The following RPL27A variants were observed in gnomAD, a reference collection of about 807,000 sequenced individuals.
RPL27A encodes large ribosomal subunit protein uL15.
For synonymous variants in RPL27A, 69 were observed against 68.3 expected (o/e 1.01, Z -0.05); for missense variants, 118 against 189.4 (o/e 0.62, Z 2.21).
Position 8,687,503 on chromosome 11 carries a change from A to C in RPL27A, c.*1697A>C, listed in dbSNP as rs1210964854. On this transcript the variant is annotated 3_prime_UTR_variant, in exon 5 of 5. Coordinates refer to ENST00000314138, the MANE Select transcript of RPL27A (RefSeq NM_000990.5). ...GTGGTCAGTAGTTCATGATGAATTA[A>C]AAGACTCAATATTTGGTCTTCACCC... 6.6e-6 allele frequency: 1 copy of C among 151,992 alleles called. No individual in the cohort carries two copies. The highest frequency in any genetic ancestry group is 1.5e-5 in the Non-Finnish European group (1 of 68,012). The allele number at this position is 151,992 out of a possible 1,614,324, so 9.4% of individuals were successfully genotyped here.
In RPL27A at chr11:8,689,600, C is replaced by T. The variant is rs1463039666; in HGVS notation, c.*3794C>T. ...GTTTTCATGGCCTTTTAAATTACAC[C>T]CCCACCTCCACAGGCAAATAAATTT... On this transcript the variant is annotated 3_prime_UTR_variant, in exon 5 of 5. Transcript: ENST00000314138. 2 of 151,816 alleles carry T rather than the reference C, an allele frequency of 1.3e-5. No homozygotes were observed. The highest frequency in any genetic ancestry group is 1.3e-4 in the Admixed American group (2 of 15,238). 9.4% of individuals were successfully genotyped at this position (151,816 alleles called of 1,614,324 possible). A position where few individuals can be genotyped will look rare whatever the true frequency, so the allele number is the denominator to read the frequency against.
In RPL27A at chr11:8,686,014, T is replaced by C; in HGVS notation, c.*208T>C. The C allele has an allele frequency of 1.8e-6, 1 of 553,414 alleles. No homozygotes were observed. Among genetic ancestry groups the C allele is most frequent in the East Asian group, 3.0e-5 (1 of 32,924 alleles). 34.3% of individuals were successfully genotyped at this position (553,414 alleles called of 1,614,324 possible). On this transcript the variant is annotated 3_prime_UTR_variant, in exon 5 of 5. Coordinates refer to ENST00000314138, the MANE Select transcript of RPL27A (RefSeq NM_000990.5). ...CAGACGTTGGCCAGTTAAACATTTCTGTTTATAAAGTCAGAATAATACCTG... is the reference window on the plus strand; with the variant it reads ...CAGACGTTGGCCAGTTAAACATTTCCGTTTATAAAGTCAGAATAATACCTG...
At chr11:8,683,080 C>T (rs574826919) in intron 1 of RPL27A, 122 bp from the exon 2 acceptor site, 11 of 1,107,054 alleles carry the variant, frequency 9.9e-6, no homozygotes, top group Admixed American at 3.8e-5. Flanking sequence ...GTACCCTCAG[C>T]TTTCCCAAAC....
intron 2 of RPL27A, 159 bp downstream of exon 2, chr11:8,683,424 C>A (rs1025775873): frequency 3.1e-6 from 2 of 638,742 alleles, no homozygotes; most frequent in East Asian, 2.7e-5. Context: ...TATTCCAGTT[C>A]TAAGGAATTT....
intron 3 of RPL27A, 67 bp downstream of exon 3, chr11:8,684,148 A>G: frequency 7.4e-7 from 1 of 1,351,416 alleles, no homozygotes; most frequent in Non-Finnish European, 1.1e-6. Context: ...GGGCTGGCTT[A>G]AACAAAAAGT....
Position 8,689,434 on chromosome 11 carries a change from T to G in RPL27A, c.*3628T>G, listed in dbSNP as rs1403853095. 6.6e-6 allele frequency: 1 copy of G among 152,182 alleles called. No individual in the cohort carries two copies. Among genetic ancestry groups the G allele is most frequent in the Non-Finnish European group, 1.5e-5 (1 of 68,030 alleles). 9.4% of individuals were successfully genotyped at this position (152,182 alleles called of 1,614,324 possible). ...AGGTTAGGGAAATGAGCACGAAGTA[T>G]GTTTTGGTGCAGTTTTTTGTTCAAC... On this transcript the variant is annotated 3_prime_UTR_variant, in exon 5 of 5. Transcript: ENST00000314138.
Position 8,683,921 on chromosome 11 carries a change from A to G in RPL27A, c.68-85A>G, listed in dbSNP as rs184552358. On this transcript the variant is annotated intron_variant, in intron 2 of 4. Coordinates refer to ENST00000314138, the MANE Select transcript of RPL27A (RefSeq NM_000990.5). Reference sequence around the variant, plus strand: ...GGTCTCGAACTCCTGACCTCAGGTGATCTACCCCCCCTCGTCCTCCTAAAA... The same window carrying G: ...GGTCTCGAACTCCTGACCTCAGGTGGTCTACCCCCCCTCGTCCTCCTAAAA... 4.6e-5 allele frequency: 49 copies of G among 1,061,140 alleles called. 1 individual carries two copies. In the East Asian group the frequency reaches 1.2e-3, roughly 25 times the overall value. 65.7% of individuals were successfully genotyped at this position (1,061,140 alleles called of 1,614,324 possible). A position where few individuals can be genotyped will look rare whatever the true frequency, so the allele number is the denominator to read the frequency against.
intron 4 of RPL27A, 182 bp downstream of exon 4, chr11:8,685,074 T>C (rs1019972776): frequency 1.5e-6 from 1 of 653,078 alleles, no homozygotes. Context: ...CTGCCCAGGT[T>C]GTATCAGGTT....
At chr11:8,684,645 TG>T (rs1315267803) in intron 3 of RPL27A, 72 bp from the exon 4 acceptor site, 1 of 1,269,312 alleles carries the variant, frequency 7.9e-7, no homozygotes, top group Non-Finnish European at 1.1e-6. Context: ...TAATAGGGGG[TG>T]GTAACTATAA....
intron 4 of RPL27A, 193 bp from the exon 5 acceptor site, chr11:8,685,485 T>C (rs778051183): frequency 8.1e-6 from 6 of 737,562 alleles, no homozygotes; most frequent in Admixed American, 5.2e-5. Flanking sequence ...CCTGGTGTGC[T>C]AGAGTACTCG....
intron 3 of RPL27A, 42 bp from the exon 4 acceptor site, chr11:8,684,676 T>C (rs1309463398): frequency 5.8e-6 from 9 of 1,559,240 alleles, no homozygotes; most frequent in Non-Finnish European, 8.0e-6. Flanking sequence ...ACATAGCATC[T>C]TAATTGGAGT....
chr11:8,684,951 A>T (rs758148223), intron 4 of RPL27A, 59 bp downstream of exon 4: 259 of 1,499,410 alleles, frequency 1.7e-4, no homozygotes, highest in Non-Finnish European at 2.3e-4. Context: ...ACTCTGGCTT[A>T]ATCTAATCCA....
intron 4 of RPL27A, 147 bp downstream of exon 4, chr11:8,685,039 C>T (rs1300125572): frequency 1.2e-6 from 1 of 808,462 alleles, no homozygotes; most frequent in Admixed American, 2.2e-5. Flanking sequence ...AGGTAGTTCC[C>T]TATCCGTAGC....
At position 8,684,746 on chromosome 11, in the gene RPL27A, A is replaced by G. The variant is rs754721161; in HGVS notation, c.172A>G (p.Met58Val). ...YHPGYFGKVG[M>V]KHYHLKRNQS... Reference sequence around the variant, plus strand: ...CCCAGGCTACTTTGGGAAAGTTGGTATGAAGCATTACCACTTAAAGAGGAA... The same window carrying G: ...CCCAGGCTACTTTGGGAAAGTTGGTGTGAAGCATTACCACTTAAAGAGGAA... Residue 58 changes from methionine to valine, a missense_variant, in exon 4 of 5, where the codon ATG becomes GTG. Coordinates refer to ENST00000314138, the MANE Select transcript of RPL27A (RefSeq NM_000990.5). The G allele has an allele frequency of 1.5e-5, 25 of 1,614,126 alleles. No individual in the cohort carries two copies. Among genetic ancestry groups the G allele is most frequent in the Non-Finnish European group, 2.1e-5 (25 of 1,179,942 alleles).
At chr11:8,683,148 A>G (rs1592234345) in intron 1 of RPL27A, 54 bp from the exon 2 acceptor site, 1 of 1,564,070 alleles carries the variant, frequency 6.4e-7, no homozygotes, top group Non-Finnish European at 8.8e-7. Flanking sequence ...GCTGGCGGGC[A>G]TCGCCCCCTG....
intron 1 of RPL27A, 54 bp downstream of exon 1, chr11:8,682,870 G>A (rs899360006): frequency 6.3e-7 from 1 of 1,577,952 alleles, no homozygotes; most frequent in East Asian, 2.3e-5. Context: ...CCCCTAAGCT[G>A]TATTCCCATT....
intron 4 of RPL27A, 197 bp from the exon 5 acceptor site, chr11:8,685,481 G>T (rs2039577760): frequency 2.7e-6 from 2 of 732,402 alleles, no homozygotes; most frequent in South Asian, 2.7e-5. Flanking sequence ...TTGTCCTGGT[G>T]TGCTAGAGTA....
chr11:8,688,411 AGTTC>A lies in RPL27A; in HGVS notation c.*2606_*2609del, dbSNP rs1178697598. 1 of 121,816 alleles carries A rather than the reference AGTTC, an allele frequency of 8.2e-6. No individual in the cohort carries two copies. The highest frequency in any genetic ancestry group is 8.3e-5 in the Admixed American group (1 of 12,040). The allele number at this position is 121,816 out of a possible 1,614,324, so 7.5% of individuals were successfully genotyped here. On this transcript the variant is annotated 3_prime_UTR_variant, in exon 5 of 5. Coordinates refer to ENST00000314138, the MANE Select transcript of RPL27A (RefSeq NM_000990.5). ...CTCACCAGAAGCTACAGCTACTAACAGTTCTAAAAACTGTTTCATGTGATGAGGA... is the reference window on the plus strand; with the variant it reads ...CTCACCAGAAGCTACAGCTACTAACATAAAAACTGTTTCATGTGATGAGGA...
rs755772327 is a variant in RPL27A at position 8,684,928 on chromosome 11, C to T, written c.318+36C>T. On this transcript the variant is annotated intron_variant, in intron 4 of 4. Coordinates refer to ENST00000314138, the MANE Select transcript of RPL27A (RefSeq NM_000990.5). ...TGGATGTTTTTCTGTACTTCCATACCTTCCCTTACAAAACTCTGGCTTAAT... is the reference window on the plus strand; with the variant it reads ...TGGATGTTTTTCTGTACTTCCATACTTTCCCTTACAAAACTCTGGCTTAAT... The T allele has an allele frequency of 2.5e-6, 4 of 1,598,180 alleles. No individual in the cohort carries two copies. The East Asian group carries it at 6.7e-5, about 27-fold the overall frequency.
Sources: allele counts gnomAD v4.1 joint callset, GRCh38; gene constraint gnomAD v4.1.1; transcripts MANE v1.5; gene names NCBI Gene and HGNC (gene_info 2026-07-23, HGNC 2026-07-21).